AGBL2: variants seen among roughly 807,000 people sequenced by gnomAD.
AGBL2 encodes cytosolic carboxypeptidase 2.
Under a neutral mutation model 103.0 loss-of-function variants are expected in AGBL2, and 87 were observed. That is an observed-to-expected ratio of 0.84 (90% confidence interval 0.71 to 1.01). AGBL2 has a LOEUF of 1.01. Among genes scored for constraint, AGBL2 ranks in the 50% least tolerant of loss-of-function variants. The pLI is 0.00. For synonymous variants in AGBL2, 335 were observed against 356.7 expected, an observed-to-expected ratio of 0.94 and a Z score of 0.69; for missense variants, 904 against 1,023.5, an observed-to-expected ratio of 0.88 and a Z score of 1.59.
Position 47,690,056 on chromosome 11 carries a change from C to A in AGBL2, c.1631+20G>T. ...GGACTCATAGCAGTCACAGAAAGAT[C>A]AACAGATAAAAAGTCTCACCTTTTG... On this transcript the variant is annotated intron_variant, in intron 10 of 18. Coordinates refer to ENST00000525123, the MANE Select transcript of AGBL2 (RefSeq NM_024783.4). 1 of 1,582,098 alleles carries A rather than the reference C, an allele frequency of 6.3e-7. No individual in the cohort carries two copies.
rs1303966337 is a variant in AGBL2, at chr11:47,690,286, C to A, written c.1421G>T (p.Gly474Val). 1.2e-6 allele frequency: 2 copies of A among 1,613,530 alleles called. No homozygotes were observed. Among genetic ancestry groups the A allele is most frequent in the South Asian group, 2.2e-5 (2 of 91,002 alleles). ...GESNGSWVMK[G>V]FLDFILSNSP... ...GTTGCTAAGGATGAAGTCCAAAAAG[C>A]CTTTCATAACCCAGGAGCCATTACT... Residue 474 changes from glycine (G) to valine (V), a missense_variant, in exon 10 of 19, where the codon GGC becomes GTC. Physicochemically the swap from Gly to Val is moderately radical, Grantham distance 109. Coordinates refer to ENST00000525123, the MANE Select transcript of AGBL2 (RefSeq NM_024783.4).
chr11:47,686,558 C>T (rs1172877633), intron 10 of AGBL2, among the ~76,000 whole-genome samples: 1 of 146,314 alleles, frequency 6.8e-6, no homozygotes, highest in Admixed American at 7.2e-5. Context: ...TGGCGTCTAG[C>T]GAGAGGTATT....
chr11:47,691,001 C>T lies in AGBL2; in HGVS notation c.849-143G>A. 3 of 722,302 alleles carry T rather than the reference C, an allele frequency of 4.2e-6. No homozygotes were observed. In the South Asian group the frequency reaches 5.8e-5, roughly 14 times the overall value. The allele number at this position is 722,302 out of a possible 1,614,324, so 44.7% of individuals were successfully genotyped here. On this transcript the variant is annotated intron_variant, in intron 9 of 18. Transcript: ENST00000525123. ...ACCTTAATCATTTATTCTCTGTAAT[C>T]CCAGCACTTTGGGAGGCTGAGGCGG...
intron 11 of AGBL2, among the ~76,000 whole-genome samples, chr11:47,685,604 T>C (rs11039337): frequency 0.35 from 53,235 of 151,686 alleles, 10,549 homozygotes; most frequent in South Asian, 0.52. Flanking sequence ...GTATTTTTAA[T>C]AGAGATGGGG....
intron 7 of AGBL2, among the ~76,000 whole-genome samples, chr11:47,703,603 C>T (rs2097506192): frequency 6.6e-6 from 1 of 151,966 alleles, no homozygotes; most frequent in African/African-American, 2.4e-5. Context: ...CCAGCCTGGC[C>T]AACATGGAGG....
intron 7 of AGBL2, among the ~76,000 whole-genome samples, chr11:47,701,809 C>A (rs2153805011): frequency 6.6e-6 from 1 of 151,856 alleles, no homozygotes; most frequent in East Asian, 1.9e-4. Context: ...CCCGTCTCTA[C>A]CAAAAATATA....
intron 4 of AGBL2, among the ~76,000 whole-genome samples, chr11:47,708,520 C>T (rs1052802879): frequency 2.7e-5 from 4 of 150,034 alleles, no homozygotes; most frequent in Admixed American, 2.7e-4. Context: ...TAAATTTTTC[C>T]TTTAAAAATT....
chr11:47,702,146 G>A (rs1423541794), intron 7 of AGBL2, among the ~76,000 whole-genome samples: 2 of 152,066 alleles, frequency 1.3e-5, no homozygotes, highest in African/African-American at 2.4e-5. Flanking sequence ...ACAAGACCCT[G>A]TCTCAAAAAT....
intron 6 of AGBL2, 65 bp from the exon 7 acceptor site, chr11:47,704,793 C>G: frequency 7.8e-7 from 1 of 1,283,320 alleles, no homozygotes; most frequent in South Asian, 1.3e-5. Context: ...TACTGCTCAT[C>G]TATAACAATG....
Position 47,710,424 on chromosome 11 carries a change from TC to T in AGBL2, c.184del (p.Glu62LysfsTer5). Reference protein sequence around the residue: ...PQCLLNGSLGEKDDLIPDTLQ... With the variant: ...PQCLLNGSLGXKDDLIPDTLQ... ...GGTGTCTGGTATCAAATCATCTTTT[TC>T]CCCAAGAGAGCCATTCAACAGGCAT... On this transcript the variant is annotated frameshift_variant, in exon 4 of 19. Transcript: ENST00000525123. LOFTEE classifies it high-confidence loss of function. The T allele has an allele frequency of 6.2e-7, 1 of 1,614,100 alleles. No homozygotes were observed. The highest frequency in any genetic ancestry group is 2.2e-5 in the East Asian group (1 of 44,876).
chr11:47,667,376 G>C (rs1266382983), intron 16 of AGBL2, among the ~76,000 whole-genome samples, 195 bp downstream of exon 16: 1 of 152,204 alleles, frequency 6.6e-6, no homozygotes, highest in Non-Finnish European at 1.5e-5. Flanking sequence ...GAGAGGTTCA[G>C]TGGGCCAAGG....
chr11:47,667,825 G>T, intron 15 of AGBL2, 129 bp from the exon 16 acceptor site: 1 of 1,043,246 alleles, frequency 9.6e-7, no homozygotes, highest in Non-Finnish European at 1.4e-6. Context: ...TGTTGGTTTG[G>T]AGAATAAACA....
chr11:47,713,244 T>C (rs996030196), intron 3 of AGBL2, among the ~76,000 whole-genome samples: 6 of 150,248 alleles, frequency 4.0e-5, no homozygotes, highest in African/African-American at 1.2e-4. Flanking sequence ...CTTGGGAGGC[T>C]GAGGCAGGAG....
Position 47,680,055 on chromosome 11 carries a change from T to C in AGBL2, c.1934A>G (p.His645Arg), listed in dbSNP as rs144632980. 6.2e-7 allele frequency: 1 copy of C among 1,607,166 alleles called. No homozygotes were observed. The highest frequency in any genetic ancestry group is 1.3e-5 in the African/African-American group (1 of 74,710). ...GSTLGNKRDT[H>R]FTIEDLKSLG... is the part of the protein sequence containing the mutation. ...GGACTTCAGATCTTCGATGGTAAAG[T>C]GGGTGTCTCTTTTATTACCTGGAAA... is the stretch of plus-strand genomic sequence containing the variant. Residue 645 changes from histidine (H) to arginine (R), a missense_variant, in exon 13 of 19, where the codon CAC (histidine) becomes CGC (arginine). Transcript: ENST00000525123.
At chr11:47,694,888 C>A (rs550132417) in intron 8 of AGBL2, among the ~76,000 whole-genome samples, 1 of 152,318 alleles carries the variant, frequency 6.6e-6, no homozygotes, top group East Asian at 1.9e-4. Context: ...GTGGCTCATG[C>A]CTGTAATCCC....
chr11:47,665,568 A>T (rs2153802628), intron 17 of AGBL2, among the ~76,000 whole-genome samples: 1 of 151,888 alleles, frequency 6.6e-6, no homozygotes, highest in South Asian at 2.1e-4. Context: ...TGATCTGCCC[A>T]CCTCAGTGTC....
intron 8 of AGBL2, among the ~76,000 whole-genome samples, chr11:47,692,933 C>T (rs1244691362): frequency 1.3e-5 from 2 of 152,012 alleles, no homozygotes; most frequent in East Asian, 3.9e-4. Context: ...ATCCTCCCAC[C>T]TCAACTTCCT....
chr11:47,662,236 C>T (rs2097329925), intron 18 of AGBL2, among the ~76,000 whole-genome samples: 1 of 151,882 alleles, frequency 6.6e-6, no homozygotes, highest in Non-Finnish European at 1.5e-5. Flanking sequence ...TGCCGTGGTG[C>T]AATCTTGGTT....
intron 7 of AGBL2, among the ~76,000 whole-genome samples, chr11:47,701,973 CAAAAAAAAAAA>C (rs11319513): frequency 4.6e-5 from 5 of 107,622 alleles, no homozygotes; most frequent in Admixed American, 9.7e-5. Context: ...ACTCTGTTCT[CAAAAAAAAAAA>C]AAAAAAAAGA....
Sources: gnomAD v4.1 joint callset for allele counts (sites outside exome capture counted in the v4.1 genomes callset) on GRCh38, gnomAD v4.1.1 for gene constraint, MANE v1.5 for transcripts, NCBI Gene and HGNC (gene_info 2026-07-23, HGNC 2026-07-21) for gene names.